The following KAZN variants were observed in gnomAD, a reference collection of about 807,000 sequenced individuals.
KAZN encodes the protein kazrin, periplakin interacting protein.
KAZN carries 40 observed loss-of-function variants against 87.4 expected under a neutral mutation model. The observed-to-expected ratio is 0.46, with a 90% CI of 0.36 to 0.60. The LOEUF is 0.60. KAZN is among the 20% of genes least tolerant of loss of function. KAZN has a pLI of 0.00. For missense variants in KAZN, 898 were observed against 1,073.9 expected, an observed-to-expected ratio of 0.84 and a Z score of 2.29; for synonymous variants, 466 against 458.3, an observed-to-expected ratio of 1.02 and a Z score of -0.22.
chr1:14,929,077 A>T (rs892094103), intron 1 of KAZN, among the ~76,000 whole-genome samples: 2 of 152,212 alleles, frequency 1.3e-5, no homozygotes, highest in Admixed American at 6.5e-5. Flanking sequence ...CCTTCTGTAA[A>T]ATGGAAATTG....
chr1:14,881,327 C>T (rs56095204), intron 1 of KAZN, among the ~76,000 whole-genome samples: 3,015 of 152,250 alleles, frequency 0.02, 102 homozygotes, highest in African/African-American at 0.068. Flanking sequence ...CTGGTAGGTG[C>T]AGAAACAGGC....
At chr1:14,255,221 C>T (rs1650415467) in intron 2 of KAZN, among the ~76,000 whole-genome samples, 1 of 151,648 alleles carries the variant, frequency 6.6e-6, no homozygotes, top group Non-Finnish European at 1.5e-5. Context: ...GGCGGGTTGC[C>T]ACACTTTTAA....
chr1:14,959,704 A>T (rs1401755092), intron 1 of KAZN, among the ~76,000 whole-genome samples: 1 of 152,282 alleles, frequency 6.6e-6, no homozygotes, highest in East Asian at 1.9e-4. Context: ...GCAGAGGTAC[A>T]CGTAGCCTGG....
intron 2 of KAZN, among the ~76,000 whole-genome samples, chr1:14,543,907 T>C (rs1672965788): frequency 6.6e-6 from 1 of 152,220 alleles, no homozygotes; most frequent in Non-Finnish European, 1.5e-5. Flanking sequence ...GACAATTAAT[T>C]GTAGGTTTCT....
At chr1:14,117,898 T>C (rs1045574459) in intron 1 of KAZN, among the ~76,000 whole-genome samples, 2 of 152,178 alleles carry the variant, frequency 1.3e-5, no homozygotes, top group South Asian at 2.1e-4. Flanking sequence ...TCTGGTTTCA[T>C]TGGTCAGGTG....
chr1:13,948,590 G>A (rs778940100), intron 1 of KAZN, among the ~76,000 whole-genome samples: 4 of 152,096 alleles, frequency 2.6e-5, no homozygotes, highest in Non-Finnish European at 5.9e-5. Context: ...GGGGAAAGGG[G>A]GCAGTGGAGA....
intron 2 of KAZN, among the ~76,000 whole-genome samples, chr1:14,247,521 C>T (rs1438376906): frequency 4.6e-5 from 7 of 152,148 alleles, no homozygotes; most frequent in African/African-American, 7.2e-5. Context: ...ATGAGGTGTT[C>T]GGTTTTCTGT....
intron 2 of KAZN, among the ~76,000 whole-genome samples, chr1:14,256,911 T>C (rs1571157729): frequency 6.6e-6 from 1 of 152,202 alleles, no homozygotes; most frequent in East Asian, 1.9e-4. Flanking sequence ...TCTATTTCTT[T>C]AGGAAGTGTT....
intron 2 of KAZN, among the ~76,000 whole-genome samples, chr1:14,470,809 A>G (rs1352324174): frequency 6.6e-6 from 1 of 152,106 alleles, no homozygotes; most frequent in Non-Finnish European, 1.5e-5. Context: ...CCCTGCTCCC[A>G]TGACTCTCGG....
chr1:14,155,497 T>C (rs893866475), intron 1 of KAZN, among the ~76,000 whole-genome samples: 5 of 152,196 alleles, frequency 3.3e-5, no homozygotes, highest in Non-Finnish European at 5.9e-5. Flanking sequence ...TTCATTGATC[T>C]TTCACATTGT....
intron 1 of KAZN, among the ~76,000 whole-genome samples, chr1:14,101,917 A>T (rs1410264360): frequency 6.6e-6 from 1 of 152,164 alleles, no homozygotes; most frequent in Non-Finnish European, 1.5e-5. Context: ...AGACAGTAAC[A>T]TGCTTTGATA....
intron 2 of KAZN, among the ~76,000 whole-genome samples, chr1:14,218,416 GA>G (rs1647014632): frequency 6.6e-6 from 1 of 152,086 alleles, no homozygotes; most frequent in Admixed American, 6.6e-5. Context: ...CCCACTAAAA[GA>G]AAACAGCTAT....
At chr1:15,107,378 C>T (rs1335048226) in intron 13 of KAZN, among the ~76,000 whole-genome samples, 1 of 152,136 alleles carries the variant, frequency 6.6e-6, no homozygotes, top group Non-Finnish European at 1.5e-5. Flanking sequence ...GCTTTGGCTC[C>T]CATCCAGGCA....
intron 1 of KAZN, among the ~76,000 whole-genome samples, chr1:14,019,578 C>T (rs1053668607): frequency 1.2e-4 from 18 of 152,294 alleles, no homozygotes; most frequent in Middle Eastern, 3.4e-3. Flanking sequence ...CACCTGCCAG[C>T]AGATATTGCC....
chr1:14,455,886 T>A (rs962505301), intron 2 of KAZN, among the ~76,000 whole-genome samples: 2 of 152,152 alleles, frequency 1.3e-5, no homozygotes, highest in Non-Finnish European at 2.9e-5. Flanking sequence ...TGAAGACATA[T>A]TTTGCTGAAA....
rs1403134249 is a variant in KAZN, at chr1:15,027,098, T to TCC, written c.419-7651_419-7650insCC. The stretch of plus-strand genomic sequence containing the variant: ...TTTTTTTTTTTTTTTTTTTTTTTTT[T>TCC]TGAGACAGAGTCTCGCTCTGTCGCC... On this transcript the variant is annotated intron_variant, in intron 2 of 14. Transcript: ENST00000376030. 8.2e-5 allele frequency among the ~76,000 whole-genome samples: 11 copies of TCC among 133,584 alleles called. 1 individual carries two copies. The highest frequency in any genetic ancestry group is 3.2e-4 in the African/African-American group (11 of 34,672). 87.6% of individuals were successfully genotyped at this position (133,584 alleles called of 152,430 possible).
chr1:14,383,309 CTTTAG>C (rs1488460817), intron 2 of KAZN, among the ~76,000 whole-genome samples: 2 of 149,998 alleles, frequency 1.3e-5, no homozygotes, highest in Non-Finnish European at 1.5e-5. Context: ...TGCAGAAGCT[CTTTAG>C]TTTAATTAGA....
intron 1 of KAZN, among the ~76,000 whole-genome samples, chr1:14,105,536 T>G (rs1644350747): frequency 6.6e-6 from 1 of 152,202 alleles, no homozygotes; most frequent in Non-Finnish European, 1.5e-5. Context: ...TAGTTGGATC[T>G]CATCCCCTAA....
chr1:13,982,214 G>A (rs12745913), intron 1 of KAZN, among the ~76,000 whole-genome samples: 59,292 of 152,080 alleles, frequency 0.39, 12,275 homozygotes, highest in Admixed American at 0.56. Flanking sequence ...CAGCAAGAGT[G>A]GGCTGCCTCA....
Sources: gnomAD v4.1 joint callset for allele counts (sites outside exome capture counted in the v4.1 genomes callset) on GRCh38, gnomAD v4.1.1 for gene constraint, MANE v1.5 for transcripts, NCBI Gene and HGNC (gene_info 2026-07-23, HGNC 2026-07-21) for gene names.